Variants in PTPRQ observed in about 807,000 individuals in gnomAD.
PTPRQ encodes phosphatidylinositol phosphatase PTPRQ.
Under a neutral mutation model 246.0 loss-of-function variants are expected in PTPRQ, and 199 were observed. That is an observed-to-expected ratio of 0.81 (90% CI 0.72 to 0.91). The LOEUF (loss-of-function observed/expected upper bound fraction) is 0.91. PTPRQ is among the 40% of genes least tolerant of loss of function. The probability of loss-of-function intolerance (pLI) is 0.00; values close to 1 mark genes in which losing one functional copy is unlikely to be tolerated. For synonymous variants in PTPRQ, 869 were observed against 853.2 expected (o/e 1.02, Z -0.32); for missense variants, 2,624 against 2,528.4 (o/e 1.04, Z -0.81).
At chr12:80,602,086 TC>T (rs1898164283) in intron 26 of PTPRQ, among the ~76,000 whole-genome samples, 1 of 151,710 alleles carries the variant, frequency 6.6e-6, no homozygotes, top group African/African-American at 2.4e-5. Context: ...TAAAACTGGA[TC>T]TTTGAGTACG....
Position 80,534,119 on chromosome 12 carries a change from G to A in PTPRQ, c.2783G>A (p.Arg928Lys). ...EYSAYVTAST[R>K]FGDGKTRSNI... The stretch of plus-strand genomic sequence containing the variant: ...AGTGCTTATGTAACAGCTAGCACCA[G>A]ATTTGGTGATGGGAAAACAAGAAGC... The change falls in exon 18 of 45, where the codon AGA becomes AAA. Residue 928 changes from arginine to lysine, a missense_variant. Arg to Lys is a conservative substitution (Grantham distance 26, BLOSUM62 2). Transcript: ENST00000644991. 6.5e-7 allele frequency: 1 copy of A among 1,542,144 alleles called. No homozygotes were observed. The highest frequency in any genetic ancestry group is 8.8e-7 in the Non-Finnish European group (1 of 1,142,794).
chr12:80,452,631 G>T (rs943650040), intron 3 of PTPRQ, among the ~76,000 whole-genome samples: 4 of 152,126 alleles, frequency 2.6e-5, no homozygotes, highest in Non-Finnish European at 5.9e-5. Context: ...ATGAAGCTTA[G>T]TTTGGCTGGA....
chr12:80,484,692 A>G, intron 9 of PTPRQ, 87 bp downstream of exon 9: 2 of 1,472,532 alleles, frequency 1.4e-6, no homozygotes, highest in Non-Finnish European at 1.8e-6. Context: ...GCACCCACAC[A>G]TGTAATATTT....
chr12:80,543,495 T>G (rs1896215976), intron 23 of PTPRQ, among the ~76,000 whole-genome samples: 1 of 152,184 alleles, frequency 6.6e-6, no homozygotes, highest in South Asian at 2.1e-4. Context: ...ATTGCCAAAA[T>G]GTAATTAACA....
intron 17 of PTPRQ, among the ~76,000 whole-genome samples, chr12:80,515,725 C>T (rs975477465): frequency 4.4e-4 from 66 of 149,298 alleles, no homozygotes; most frequent in African/African-American, 1.6e-3. Flanking sequence ...TGAGCCACTA[C>T]ACCTGACTGA....
rs1426481578 is a variant in PTPRQ, at chr12:80,616,235, G to A, written c.5199G>A (p.Lys1733=). The A allele has an allele frequency of 1.3e-6, 2 of 1,493,310 alleles. No individual in the cohort carries two copies. Among genetic ancestry groups the A allele is most frequent in the East Asian group, 2.7e-5 (1 of 36,976 alleles). 92.5% of individuals were successfully genotyped at this position (1,493,310 alleles called of 1,614,324 possible). The change falls in exon 30 of 45, where the codon AAG becomes AAA. Residue 1733 remains lysine, a synonymous_variant. Transcript: ENST00000644991. ...YAVNSAGAGP[K]VPMRITMDIK... ...TCAATAGTGCTGGTGCAGGTCCAAAGGTTCCGATGAGAATAACCATGGATA... is the reference window on the plus strand; with the variant it reads ...TCAATAGTGCTGGTGCAGGTCCAAAAGTTCCGATGAGAATAACCATGGATA...
chr12:80,668,730 T>G (rs2121279857), intron 39 of PTPRQ, among the ~76,000 whole-genome samples: 1 of 152,090 alleles, frequency 6.6e-6, no homozygotes, highest in South Asian at 2.1e-4. Context: ...AGACCTTTAT[T>G]AAGTTCTGTT....
intron 33 of PTPRQ, among the ~76,000 whole-genome samples, chr12:80,631,960 G>T (rs1421446168): frequency 6.6e-6 from 1 of 152,140 alleles, no homozygotes; most frequent in East Asian, 1.9e-4. Context: ...AAACTGTGAG[G>T]CTAGATGGGC....
intron 39 of PTPRQ, among the ~76,000 whole-genome samples, chr12:80,661,093 A>C (rs1172821757): frequency 6.6e-6 from 1 of 151,878 alleles, no homozygotes; most frequent in Admixed American, 6.6e-5. Flanking sequence ...CATACATATG[A>C]AAACACAAAC....
At chr12:80,479,342 C>T (rs2120580233) in intron 8 of PTPRQ, among the ~76,000 whole-genome samples, 1 of 150,662 alleles carries the variant, frequency 6.6e-6, no homozygotes. Flanking sequence ...ATTTTGTCAC[C>T]ACCAGGCCTG....
intron 17 of PTPRQ, among the ~76,000 whole-genome samples, chr12:80,511,400 G>T (rs1372695767): frequency 1.3e-5 from 2 of 152,118 alleles, no homozygotes; most frequent in African/African-American, 2.4e-5. Flanking sequence ...AGGGAAGAAG[G>T]TTACCATTCC....
intron 17 of PTPRQ, among the ~76,000 whole-genome samples, chr12:80,526,175 C>A (rs1895679938): frequency 6.6e-6 from 1 of 152,122 alleles, no homozygotes; most frequent in African/African-American, 2.4e-5. Flanking sequence ...ACATAAAAAT[C>A]AAAATCTATG....
chr12:80,498,065 T>A (rs186723974), intron 14 of PTPRQ, among the ~76,000 whole-genome samples: 232 of 152,118 alleles, frequency 1.5e-3, no homozygotes, highest in African/African-American at 5.3e-3. Context: ...AAGAAAGTAA[T>A]GAAAGGAGCA....
At chr12:80,589,847 C>A (rs1488214573) in intron 26 of PTPRQ, among the ~76,000 whole-genome samples, 2 of 152,258 alleles carry the variant, frequency 1.3e-5, no homozygotes, top group Non-Finnish European at 2.9e-5. Context: ...CTGAATTATT[C>A]TCAGCAAATA....
chr12:80,529,936 C>G (rs1895795774), intron 17 of PTPRQ, among the ~76,000 whole-genome samples: 2 of 152,084 alleles, frequency 1.3e-5, no homozygotes, highest in Non-Finnish European at 2.9e-5. Context: ...AGTTTGAAAA[C>G]AGTCACTGGG....
chr12:80,642,719 G>C (rs1177821301), intron 35 of PTPRQ, among the ~76,000 whole-genome samples: 2 of 151,396 alleles, frequency 1.3e-5, no homozygotes, highest in African/African-American at 2.4e-5. Context: ...AGGAGATCGA[G>C]ACCATCCCGG....
At chr12:80,519,114 C>T (rs1448599200) in intron 17 of PTPRQ, among the ~76,000 whole-genome samples, 4 of 152,028 alleles carry the variant, frequency 2.6e-5, no homozygotes, top group Admixed American at 6.6e-5. Flanking sequence ...CCCATGACAT[C>T]GAATAGCTTT....
rs558574386 is a variant in PTPRQ, at chr12:80,567,628, T to A, written c.4285+17894T>A. Among the ~76,000 whole-genome samples, 228 of 152,364 alleles carry A rather than the reference T, an allele frequency of 1.5e-3. 10 individuals carry two copies. In the South Asian group the frequency reaches 0.046, roughly 31 times the overall value. ...AACATAACTGTTGCTACAGTTTTTT[T>A]AATTTGTTCTGTTAGTGTTGAGTCA... On this transcript the variant is annotated intron_variant, in intron 25 of 44. Coordinates refer to ENST00000644991, the MANE Select transcript of PTPRQ (RefSeq NM_001145026.2).
chr12:80,619,671 T>C (rs1898903267), intron 31 of PTPRQ, 129 bp downstream of exon 31: 1 of 599,698 alleles, frequency 1.7e-6, no homozygotes, highest in African/African-American at 1.9e-5. Context: ...AGATTGTCAA[T>C]ATTATTATTA....
Sources: allele counts gnomAD v4.1 joint callset (sites outside exome capture counted in the v4.1 genomes callset), GRCh38; gene constraint gnomAD v4.1.1; transcripts MANE v1.5; gene names NCBI Gene and HGNC (gene_info 2026-07-23, HGNC 2026-07-21).